ARHGEF10: variants seen among roughly 807,000 people sequenced by gnomAD.
The protein encoded by ARHGEF10 is Rho guanine nucleotide exchange factor 10, also known as Rho guanine nucleotide exchange factor (GEF) 10.
In ARHGEF10, 140 loss-of-function variants were observed where a neutral mutation model predicts 147.4. That is an observed-to-expected ratio of 0.95 (90% CI 0.83 to 1.09). The LOEUF is 1.09. Ranked by LOEUF, ARHGEF10 falls within the 50% of genes least tolerant of loss-of-function variation. The pLI, the probability that ARHGEF10 is intolerant of heterozygous loss-of-function variation, is 0.00. For missense variants in ARHGEF10, 2,222 were observed against 1,752.7 expected (o/e 1.27, Z -4.78); for synonymous variants, 902 against 695.8 (o/e 1.30, Z -4.67).
Position 1,889,187 on chromosome 8 carries a change from G to A in ARHGEF10, c.1182+3480G>A, listed in dbSNP as rs796105630. Among the ~76,000 whole-genome samples, 2 of 51,240 alleles carry A rather than the reference G, an allele frequency of 3.9e-5. 1 individual carries two copies. Among genetic ancestry groups the A allele is most frequent in the African/African-American group, 3.3e-4 (2 of 6,106 alleles). The allele number at this position is 51,240 out of a possible 152,430, so 33.6% of individuals were successfully genotyped here. A position where few individuals can be genotyped will look rare whatever the true frequency, so the allele number is the denominator to read the frequency against. ...TGAGTTGGGGGGTTGTGAGGAGAGC[G>A]TGGGGTGAGGTTTATTAGGAGACAC... On this transcript the variant is annotated intron_variant, in intron 11 of 28. Transcript: ENST00000349830.
chr8:1,913,631 A>G (rs753545446), intron 18 of ARHGEF10, among the ~76,000 whole-genome samples: 27 of 152,190 alleles, frequency 1.8e-4, no homozygotes, highest in Non-Finnish European at 3.2e-4. Context: ...CCGTCCCTGC[A>G]CTGGCAGCTT....
chr8:1,895,244 A>C (rs1809879667), intron 13 of ARHGEF10, among the ~76,000 whole-genome samples: 1 of 152,240 alleles, frequency 6.6e-6, no homozygotes, highest in South Asian at 2.1e-4. Flanking sequence ...TGTATGAATC[A>C]TACTTATTGT....
chr8:1,850,745 T>C (rs1007713499), intron 2 of ARHGEF10, among the ~76,000 whole-genome samples: 3 of 152,166 alleles, frequency 2.0e-5, no homozygotes, highest in Non-Finnish European at 4.4e-5. Flanking sequence ...TACCTGCCCA[T>C]ATAGGTGTTG....
chr8:1,889,950 C>G lies in ARHGEF10; in HGVS notation c.1183-3619C>G, dbSNP rs1165486719. Reference sequence around the variant, plus strand: ...GTGGGGCGAGGGTTGTGAGGAGACACTGAGTGGGGGAGGGGTATGTGAGGA... The same window carrying G: ...GTGGGGCGAGGGTTGTGAGGAGACAGTGAGTGGGGGAGGGGTATGTGAGGA... On this transcript the variant is annotated intron_variant, in intron 11 of 28. Coordinates refer to ENST00000349830, the MANE Select transcript of ARHGEF10 (RefSeq NM_014629.4). 2.8e-5 allele frequency among the ~76,000 whole-genome samples: 4 copies of G among 141,954 alleles called. No homozygotes were observed. In the East Asian group the frequency reaches 6.5e-4, roughly 23 times the overall value. 93.1% of individuals were successfully genotyped at this position (141,954 alleles called of 152,430 possible).
intron 2 of ARHGEF10, among the ~76,000 whole-genome samples, chr8:1,851,972 G>T (rs1384195669): frequency 6.6e-6 from 1 of 151,780 alleles, no homozygotes; most frequent in East Asian, 1.9e-4. Context: ...ACCATATGAA[G>T]ACAGACACAA....
At chr8:1,841,295 C>T (rs929857925) in intron 1 of ARHGEF10, among the ~76,000 whole-genome samples, 4 of 152,166 alleles carry the variant, frequency 2.6e-5, no homozygotes, top group African/African-American at 9.7e-5. Flanking sequence ...TTATTTGGGT[C>T]ACGTGTGAGG....
intron 7 of ARHGEF10, among the ~76,000 whole-genome samples, chr8:1,874,835 CACGGCGTGTAG>C (rs1807531919): frequency 9.0e-6 from 1 of 111,196 alleles, no homozygotes; most frequent in Non-Finnish European, 1.9e-5. Context: ...AGACACACAC[CACGGCGTGTAG>C]GGGGTAGAGG....
intron 1 of ARHGEF10, among the ~76,000 whole-genome samples, chr8:1,835,405 G>A (rs1230942759): frequency 6.6e-6 from 1 of 152,158 alleles, no homozygotes; most frequent in Non-Finnish European, 1.5e-5. Context: ...GTGTGGCTGG[G>A]AAGTGCTGGG....
intron 18 of ARHGEF10, among the ~76,000 whole-genome samples, chr8:1,914,153 A>G (rs1039204693): frequency 6.6e-6 from 1 of 152,258 alleles, no homozygotes; most frequent in Non-Finnish European, 1.5e-5. Flanking sequence ...GCCCGGCCGA[A>G]GGAAGCTTGA....
At position 1,864,364 on chromosome 8, in the gene ARHGEF10, T is replaced by A; in HGVS notation, c.482-9T>A. On this transcript the variant is annotated splice_polypyrimidine_tract_variant and intron_variant, in intron 4 of 28. Coordinates refer to ENST00000349830, the MANE Select transcript of ARHGEF10 (RefSeq NM_014629.4). ...GTAAAGCAGCATCACATATTTTCTT[T>A]CCCAGCAGAAACACCAGAAGTCACA... 6.2e-7 allele frequency: 1 copy of A among 1,614,070 alleles called. No homozygotes were observed. Among genetic ancestry groups the A allele is most frequent in the Non-Finnish European group, 8.5e-7 (1 of 1,179,980 alleles).
chr8:1,840,175 C>T (rs879849994), intron 1 of ARHGEF10, among the ~76,000 whole-genome samples: 15 of 125,646 alleles, frequency 1.2e-4, no homozygotes, highest in African/African-American at 4.3e-4. Context: ...GCAAGCTGTC[C>T]GATATGGGGA....
At chr8:1,947,191 C>G (rs1814660000) in intron 27 of ARHGEF10, among the ~76,000 whole-genome samples, 1 of 152,136 alleles carries the variant, frequency 6.6e-6, no homozygotes, top group African/African-American at 2.4e-5. Flanking sequence ...CAGTGAGTGT[C>G]CATGTGTTCA....
At position 1,884,378 on chromosome 8, in the gene ARHGEF10, A is replaced by G. The variant is rs372472820; in HGVS notation, c.1076-1223A>G. On this transcript the variant is annotated intron_variant, in intron 10 of 28. Transcript: ENST00000349830. ...GCCACTGCACTCCAGCCTGGGCGAC[A>G]GAGCAAGAGTCCATCTCAAGAAAAA... 9.1e-4 allele frequency among the ~76,000 whole-genome samples: 135 copies of G among 147,658 alleles called. 1 individual carries two copies. Among genetic ancestry groups the G allele is most frequent in the African/African-American group, 3.2e-3 (129 of 40,004 alleles).
chr8:1,925,360 G>T lies in ARHGEF10; in HGVS notation c.2566G>T (p.Val856Phe). The change falls in exon 22 of 29, where the codon GTC becomes TTC. Residue 856 changes from valine (V) to phenylalanine (F), a missense_variant. Val to Phe is a conservative substitution (Grantham distance 50). Coordinates refer to ENST00000349830, the MANE Select transcript of ARHGEF10 (RefSeq NM_014629.4). ...HIKKEKHPLL[V>F]GHMPVMVAKQ... ...TAAAAAGGAGAAGCATCCTCTCCTC[G>T]TCGGACACATGCCCGTGATGGTGGC... The T allele has an allele frequency of 1.2e-6, 2 of 1,614,196 alleles. No homozygotes were observed.
rs367600395 is a variant in ARHGEF10, at chr8:1,913,891, G to C, written c.2143+4421G>C. On this transcript the variant is annotated intron_variant, in intron 18 of 28. Transcript: ENST00000349830. Reference sequence around the variant, plus strand: ...AGCTGGAGGAGCTGCCAGCAAGCTTGTACCGTGAGGAGGGTGAGAGACAGC... The same window carrying C: ...AGCTGGAGGAGCTGCCAGCAAGCTTCTACCGTGAGGAGGGTGAGAGACAGC... Among the ~76,000 whole-genome samples the C allele has an allele frequency of 9.2e-5, 14 of 152,322 alleles. No individual in the cohort carries two copies. In the East Asian group the frequency reaches 1.5e-3, roughly 17 times the overall value.
chr8:1,898,651 A>T (rs1187139192), intron 15 of ARHGEF10, 126 bp downstream of exon 15: 1 of 969,354 alleles, frequency 1.0e-6, no homozygotes, highest in East Asian at 2.6e-5. Flanking sequence ...CTCTCTAGGC[A>T]GTTACAGGAG....
At chr8:1,904,887 G>A (rs954000391) in intron 16 of ARHGEF10, among the ~76,000 whole-genome samples, 1 of 152,308 alleles carries the variant, frequency 6.6e-6, no homozygotes, top group Admixed American at 6.5e-5. Flanking sequence ...TTGGGAGGCC[G>A]AGGTGGGTGG....
At position 1,909,244 on chromosome 8, in the gene ARHGEF10, TA is replaced by T. The variant is rs747813552; in HGVS notation, c.1968-49del. ...AACATCTGAGGGATGAACATTACCA[TA>T]ACGTGTTCATGTAATTATTCGTAAA... On this transcript the variant is annotated intron_variant, in intron 17 of 28. Coordinates refer to ENST00000349830, the MANE Select transcript of ARHGEF10 (RefSeq NM_014629.4). 1.5e-5 allele frequency: 24 copies of T among 1,607,700 alleles called. No individual in the cohort carries two copies. The South Asian group carries it at 2.2e-4, about 15-fold the overall frequency.
chr8:1,953,414 C>T (rs910959129), intron 28 of ARHGEF10, among the ~76,000 whole-genome samples: 5 of 152,090 alleles, frequency 3.3e-5, no homozygotes, highest in African/African-American at 4.8e-5. Flanking sequence ...AGAAGGAAGC[C>T]GGGGATCCGA....
Sources: gnomAD v4.1 joint callset for allele counts (sites outside exome capture counted in the v4.1 genomes callset) on GRCh38, gnomAD v4.1.1 for gene constraint, MANE v1.5 for transcripts, NCBI Gene and HGNC (gene_info 2026-07-23, HGNC 2026-07-21) for gene names.